Variants in CMKLR1 observed in about 807,000 individuals in gnomAD.
CMKLR1 encodes the protein chemerin chemokine-like receptor 1.
In CMKLR1, 6 loss-of-function variants were observed where a neutral mutation model predicts 8.2. That is an observed-to-expected ratio of 0.73 (90% confidence interval 0.40 to 1.44). The LOEUF (loss-of-function observed/expected upper bound fraction) is 1.44. CMKLR1 is among the 40% of genes most tolerant of loss of function. CMKLR1 has a pLI of 0.02. For synonymous variants in CMKLR1, 178 were observed against 181.2 expected (o/e 0.98, Z 0.14); for missense variants, 429 against 478.0 (o/e 0.90, Z 0.96).
intron 2 of CMKLR1, among the ~76,000 whole-genome samples, chr12:108,296,554 GGTGGCTCA>G (rs1891141800): frequency 6.6e-6 from 1 of 152,162 alleles, no homozygotes. Context: ...GGCCAGGCAC[GGTGGCTCA>G]TGCCTGTAAT....
At chr12:108,301,169 G>A (rs759750544) in intron 2 of CMKLR1, among the ~76,000 whole-genome samples, 3 of 149,762 alleles carry the variant, frequency 2.0e-5, no homozygotes, top group Non-Finnish European at 3.0e-5. Context: ...TCTGCCTCTC[G>A]GGTTCAAGTG....
rs1051775801 is a variant in CMKLR1, at chr12:108,293,660, A to C, written c.-69T>G. The C allele has an allele frequency of 8.7e-6, 13 of 1,491,702 alleles. No individual in the cohort carries two copies. The highest frequency in any genetic ancestry group is 1.4e-5 in the African/African-American group (1 of 69,002). 92.4% of individuals were successfully genotyped at this position (1,491,702 alleles called of 1,614,324 possible). On this transcript the variant is annotated 5_prime_UTR_variant, in exon 3 of 4. Transcript: ENST00000550402. ...CAATCAGTCCCTGTACACAGCTAGA[A>C]ACACCTGTAGGGAAAAAAAAAAAAA...
chr12:108,331,356 C>T (rs904337860), intron 1 of CMKLR1, among the ~76,000 whole-genome samples: 1 of 152,156 alleles, frequency 6.6e-6, no homozygotes, highest in Admixed American at 6.5e-5. Flanking sequence ...GTTCCTGGTT[C>T]GGTCCTGATA....
chr12:108,316,271 C>T (rs1258903493), intron 2 of CMKLR1, among the ~76,000 whole-genome samples: 1 of 152,150 alleles, frequency 6.6e-6, no homozygotes, highest in Non-Finnish European at 1.5e-5. Flanking sequence ...GCCCTCTTCA[C>T]TTCAGGCCCC....
At chr12:108,295,178 G>T (rs899249537) in intron 2 of CMKLR1, among the ~76,000 whole-genome samples, 6 of 152,244 alleles carry the variant, frequency 3.9e-5, no homozygotes, top group Non-Finnish European at 8.8e-5. Context: ...GAGCTCTTGT[G>T]TATGCCAGGG....
At chr12:108,307,367 C>T (rs61935277) in intron 2 of CMKLR1, among the ~76,000 whole-genome samples, 32 of 119,034 alleles carry the variant, frequency 2.7e-4, no homozygotes, top group African/African-American at 7.1e-4. Flanking sequence ...CCTCCAGAAG[C>T]GCCCCCTGAG....
intron 2 of CMKLR1, among the ~76,000 whole-genome samples, chr12:108,318,147 G>A (rs1194378210): frequency 2.6e-5 from 4 of 152,086 alleles, no homozygotes; most frequent in Non-Finnish European, 5.9e-5. Flanking sequence ...AGTTGCTTCC[G>A]GTTTCTTGCT....
chr12:108,298,244 C>A (rs781357438), intron 2 of CMKLR1, among the ~76,000 whole-genome samples: 1 of 152,166 alleles, frequency 6.6e-6, no homozygotes, highest in African/African-American at 2.4e-5. Flanking sequence ...ATTGGTTTTA[C>A]TTCCTTGTAA....
At position 108,336,284 on chromosome 12, in the gene CMKLR1, C is replaced by T. The variant is rs149936834; in HGVS notation, c.-287+2743G>A. The stretch of plus-strand genomic sequence containing the variant: ...ACAATTGGCCGGGCGCAGTGGCTCA[C>T]GCCTGTAATCCCAGCACTTTTGGAG... On this transcript the variant is annotated intron_variant, in intron 1 of 3. Transcript: ENST00000550402. Among the ~76,000 whole-genome samples, 29 of 152,280 alleles carry T rather than the reference C, an allele frequency of 1.9e-4. No homozygotes were observed. The East Asian group carries it at 4.3e-3, about 22-fold the overall frequency.
chr12:108,296,280 A>G (rs1367702288), intron 2 of CMKLR1, among the ~76,000 whole-genome samples: 1 of 152,176 alleles, frequency 6.6e-6, no homozygotes, highest in Non-Finnish European at 1.5e-5. Flanking sequence ...TTATCTGTAA[A>G]ATGGGCTTGA....
chr12:108,332,298 C>T (rs1359450896), intron 1 of CMKLR1, among the ~76,000 whole-genome samples: 2 of 152,246 alleles, frequency 1.3e-5, no homozygotes, highest in Admixed American at 6.5e-5. Flanking sequence ...GCAATCCTAG[C>T]ACTTTGGGAG....
intron 2 of CMKLR1, among the ~76,000 whole-genome samples, chr12:108,308,785 C>T (rs1891477379): frequency 6.6e-6 from 1 of 152,218 alleles, no homozygotes; most frequent in Non-Finnish European, 1.5e-5. Context: ...TCCTTCCAGT[C>T]CTCTAATCCT....
intron 2 of CMKLR1, among the ~76,000 whole-genome samples, chr12:108,305,513 T>A (rs967256717): frequency 7.9e-5 from 12 of 152,160 alleles, no homozygotes; most frequent in African/African-American, 2.9e-4. Flanking sequence ...GCCTGCTGCC[T>A]TCTGGGCCAG....
In CMKLR1 at chr12:108,309,696, G is replaced by GTTT. The variant is rs1292868035; in HGVS notation, c.-73-16033_-73-16032insAAA. On this transcript the variant is annotated intron_variant, in intron 2 of 3. Coordinates refer to ENST00000550402, the MANE Select transcript of CMKLR1 (RefSeq NM_001142343.2). ...ATTCTGAGATGTCACCTAAATTCCA[G>GTTT]GCTTCCAGCAAACTGGCCATGCTGG... Among the ~76,000 whole-genome samples, 13 of 152,284 alleles carry GTTT rather than the reference G, an allele frequency of 8.5e-5. No individual in the cohort carries two copies. The South Asian group carries it at 2.7e-3, about 32-fold the overall frequency.
rs1042696505 is a variant in CMKLR1, at chr12:108,289,299, C to A, written c.*2542G>T. On this transcript the variant is annotated 3_prime_UTR_variant, in exon 4 of 4. Transcript: ENST00000550402. ...CAGCAGTGCAGGTGAGCACACTTTG[C>A]ACACTGCAGGGACGATATATGCATG... The A allele has an allele frequency of 6.6e-6, 1 of 152,284 alleles. No individual in the cohort carries two copies. The highest frequency in any genetic ancestry group is 2.4e-5 in the African/African-American group (1 of 41,454). The allele number at this position is 152,284 out of a possible 1,614,324, so 9.4% of individuals were successfully genotyped here.
chr12:108,292,984 A>T (rs1486897595), intron 3 of CMKLR1, 25 bp from the exon 4 acceptor site: 1 of 1,579,366 alleles, frequency 6.3e-7, no homozygotes, highest in Non-Finnish European at 8.6e-7. Flanking sequence ...AGGGACCATT[A>T]GAGGAACCCT....
intron 1 of CMKLR1, among the ~76,000 whole-genome samples, chr12:108,336,610 T>G (rs1019882503): frequency 1.3e-5 from 2 of 152,082 alleles, no homozygotes; most frequent in Non-Finnish European, 2.9e-5. Flanking sequence ...AGATTGCACT[T>G]TGAGAAGCTC....
intron 2 of CMKLR1, among the ~76,000 whole-genome samples, chr12:108,306,705 C>A (rs995212798): frequency 2.6e-5 from 4 of 152,228 alleles, no homozygotes; most frequent in African/African-American, 9.6e-5. Flanking sequence ...AGAATCAAGA[C>A]CAATGCCTTA....
intron 2 of CMKLR1, among the ~76,000 whole-genome samples, chr12:108,297,762 C>G (rs889777032): frequency 4.6e-5 from 7 of 152,222 alleles, no homozygotes; most frequent in African/African-American, 1.7e-4. Context: ...CCCAACCACT[C>G]TGACCTCCGT....
Sources: allele counts gnomAD v4.1 joint callset (sites outside exome capture counted in the v4.1 genomes callset), GRCh38; gene constraint gnomAD v4.1.1; transcripts MANE v1.5; gene names NCBI Gene and HGNC (gene_info 2026-07-23, HGNC 2026-07-21).